The following LDLRAD3 variants were observed in gnomAD, a reference collection of about 807,000 sequenced individuals.
LDLRAD3 encodes the protein low-density lipoprotein receptor class A domain-containing protein 3.
Under a neutral mutation model 29.4 loss-of-function variants are expected in LDLRAD3, and 20 were observed. That is an observed-to-expected ratio of 0.68 (90% CI 0.48 to 0.99). LDLRAD3 has a LOEUF of 0.99. LDLRAD3 is among the 50% of genes least tolerant of loss of function. LDLRAD3 has a pLI of 0.00. For synonymous variants in LDLRAD3, 157 were observed against 192.7 expected (o/e 0.81, Z 1.53); for missense variants, 420 against 454.3 (o/e 0.92, Z 0.69).
intron 1 of LDLRAD3, among the ~76,000 whole-genome samples, chr11:35,980,869 T>A (rs563652025): frequency 6.6e-6 from 1 of 152,170 alleles, no homozygotes; most frequent in Non-Finnish European, 1.5e-5. Flanking sequence ...GCCCAGTGTT[T>A]AGGAAAAAGG....
At chr11:36,020,449 C>T (rs1852081761) in intron 1 of LDLRAD3, among the ~76,000 whole-genome samples, 2 of 152,184 alleles carry the variant, frequency 1.3e-5, no homozygotes, top group Admixed American at 6.5e-5. Context: ...GAATAATCCA[C>T]AAAATGTTTA....
chr11:36,127,259 A>G (rs1006853339), intron 4 of LDLRAD3, among the ~76,000 whole-genome samples: 7 of 152,254 alleles, frequency 4.6e-5, no homozygotes, highest in African/African-American at 1.7e-4. Context: ...ACAGATTTGC[A>G]TATGGAATTG....
intron 1 of LDLRAD3, among the ~76,000 whole-genome samples, chr11:35,969,074 G>A (rs1203502175): frequency 6.6e-6 from 1 of 152,136 alleles, no homozygotes; most frequent in Non-Finnish European, 1.5e-5. Flanking sequence ...CTCAGACTGG[G>A]GGGCACTTCC....
intron 4 of LDLRAD3, among the ~76,000 whole-genome samples, chr11:36,118,522 A>G (rs1420343857): frequency 6.6e-6 from 1 of 151,114 alleles, no homozygotes; most frequent in African/African-American, 2.4e-5. Flanking sequence ...TGAGAGAGAG[A>G]GAGAGAAGGA....
In LDLRAD3 at chr11:36,036,184, T is replaced by C. The variant is rs768216829; in HGVS notation, c.128T>C (p.Ile43Thr). 2.5e-6 allele frequency: 4 copies of C among 1,614,022 alleles called. No homozygotes were observed. Among genetic ancestry groups the C allele is most frequent in the Admixed American group, 3.3e-5 (2 of 60,008 alleles). The change falls in exon 2 of 6, where the codon ATC (isoleucine) becomes ACC (threonine). Residue 43 changes from isoleucine (I) to threonine (T), a missense_variant. Coordinates refer to ENST00000315571, the MANE Select transcript of LDLRAD3 (RefSeq NM_174902.4). ...TTCATGTGCAGCAATGGACGGTGCATCCCGGGCGCCTGGCAGTGTGACGGG... is the reference window on the plus strand; with the variant it reads ...TTCATGTGCAGCAATGGACGGTGCACCCCGGGCGCCTGGCAGTGTGACGGG... The part of the protein sequence containing the change: ...GNFMCSNGRC[I>T]PGAWQCDGLP...
intron 4 of LDLRAD3, among the ~76,000 whole-genome samples, chr11:36,219,857 T>C (rs909981298): frequency 6.6e-5 from 10 of 151,088 alleles, no homozygotes; most frequent in Non-Finnish European, 8.9e-5. Flanking sequence ...AAAAGCTCTT[T>C]TTAAGACACT....
chr11:36,044,539 G>A (rs920358649), intron 2 of LDLRAD3, among the ~76,000 whole-genome samples: 16 of 152,060 alleles, frequency 1.1e-4, no homozygotes, highest in South Asian at 2.1e-4. Flanking sequence ...CCCTTCCCAC[G>A]CCCGGTCTTT....
intron 2 of LDLRAD3, among the ~76,000 whole-genome samples, chr11:36,053,863 A>T (rs1468379920): frequency 6.6e-6 from 1 of 152,034 alleles, no homozygotes; most frequent in Non-Finnish European, 1.5e-5. Flanking sequence ...TTGTCATGTG[A>T]CTCTTATAAG....
At chr11:36,212,529 G>A (rs1182488782) in intron 4 of LDLRAD3, among the ~76,000 whole-genome samples, 1 of 150,232 alleles carries the variant, frequency 6.7e-6, no homozygotes, top group African/African-American at 2.5e-5. Context: ...TCTAGCCTGG[G>A]CAACAGAGTG....
At chr11:36,044,129 C>A (rs1406159135) in intron 2 of LDLRAD3, among the ~76,000 whole-genome samples, 2 of 152,104 alleles carry the variant, frequency 1.3e-5, no homozygotes, top group Admixed American at 1.3e-4. Flanking sequence ...AGTTCTTCCC[C>A]CAGCTTCCAT....
Position 36,132,869 on chromosome 11 carries a change from G to A in LDLRAD3, c.454+34408G>A, listed in dbSNP as rs150419765. Among the ~76,000 whole-genome samples, 313 of 152,324 alleles carry A rather than the reference G, an allele frequency of 2.1e-3. 2 individuals are homozygous for A. The highest frequency in any genetic ancestry group is 7.2e-3 in the African/African-American group (300 of 41,578). ...GCACCACGTTAGTCAGCAGGTTTGA[G>A]TTTGGTCCTCAGCTCTGTGGCTTCC... is the stretch of plus-strand genomic sequence containing the variant. On this transcript the variant is annotated intron_variant, in intron 4 of 5. Transcript: ENST00000315571.
intron 4 of LDLRAD3, among the ~76,000 whole-genome samples, chr11:36,175,574 C>T (rs1249498574): frequency 2.0e-5 from 3 of 152,172 alleles, no homozygotes; most frequent in South Asian, 2.1e-4. Context: ...ACCCAGAGAT[C>T]ATTCAGGAGC....
At chr11:36,004,450 G>T (rs1048316679) in intron 1 of LDLRAD3, among the ~76,000 whole-genome samples, 15 of 152,188 alleles carry the variant, frequency 9.9e-5, no homozygotes, top group African/African-American at 3.6e-4. Context: ...CAAAAGGTGG[G>T]CTCTCAAGGC....
chr11:36,098,268 AG>A, intron 3 of LDLRAD3, 58 bp from the exon 4 acceptor site: 1 of 1,601,316 alleles, frequency 6.2e-7, no homozygotes, highest in South Asian at 1.1e-5. Flanking sequence ...AAGAAGTTCC[AG>A]GGTCCCCAAG....
At chr11:36,221,849 A>C (rs1420559050) in intron 4 of LDLRAD3, among the ~76,000 whole-genome samples, 1 of 152,148 alleles carries the variant, frequency 6.6e-6, no homozygotes, top group Admixed American at 6.5e-5. Context: ...CTTTCCAGAT[A>C]TATTCTATAC....
intron 2 of LDLRAD3, among the ~76,000 whole-genome samples, chr11:36,049,026 C>T (rs774414786): frequency 6.6e-6 from 1 of 152,106 alleles, no homozygotes; most frequent in Admixed American, 6.6e-5. Flanking sequence ...AATGAAATAA[C>T]TCTGAGCTGG....
intron 2 of LDLRAD3, among the ~76,000 whole-genome samples, chr11:36,045,425 T>C (rs1852435138): frequency 6.6e-6 from 1 of 152,240 alleles, no homozygotes; most frequent in Admixed American, 6.5e-5. Flanking sequence ...TTCACAGTTC[T>C]GGAGGCTAGA....
At chr11:36,081,537 A>G in intron 2 of LDLRAD3, 116 bp from the exon 3 acceptor site, 1 of 1,371,570 alleles carries the variant, frequency 7.3e-7, no homozygotes, top group Non-Finnish European at 1.0e-6. Context: ...GAAAGCTTCA[A>G]GGACTTTAAG....
intron 4 of LDLRAD3, among the ~76,000 whole-genome samples, chr11:36,143,907 T>A (rs1854124149): frequency 1.8e-5 from 1 of 54,562 alleles, no homozygotes; most frequent in Non-Finnish European, 3.3e-5. Flanking sequence ...GGAGGCTCCC[T>A]CTCCCTCTCC....
Sources: gnomAD v4.1 joint callset for allele counts (sites outside exome capture counted in the v4.1 genomes callset) on GRCh38, gnomAD v4.1.1 for gene constraint, MANE v1.5 for transcripts, NCBI Gene and HGNC (gene_info 2026-07-23, HGNC 2026-07-21) for gene names.